Variants in FGD4 observed in about 807,000 individuals in gnomAD.
The protein encoded by FGD4 is FYVE, RhoGEF and PH domain-containing protein 4.
Under a neutral mutation model 102.0 loss-of-function variants are expected in FGD4, and 42 were observed. The ratio of observed to expected loss-of-function variants is 0.41; its 90% CI spans 0.32 to 0.53. The LOEUF (loss-of-function observed/expected upper bound fraction) is 0.53. FGD4 is among the 20% of genes least tolerant of loss of function. The pLI is 0.21. For missense variants in FGD4, 902 were observed against 1,078.2 expected (o/e 0.84, Z 2.29); for synonymous variants, 380 against 375.7 (o/e 1.01, Z -0.13).
rs995402312 is a variant in FGD4 at position 32,642,872 on chromosome 12, A to G, written c.*2339A>G. On this transcript the variant is annotated 3_prime_UTR_variant, in exon 17 of 17. Transcript: ENST00000534526. Reference sequence around the variant, plus strand: ...AGTAATACCCTTAGCCATTTATTAAACAATTCAACCAAGAGACCTCAAAGT... The same window carrying G: ...AGTAATACCCTTAGCCATTTATTAAGCAATTCAACCAAGAGACCTCAAAGT... 1 of 152,532 alleles carries G rather than the reference A, an allele frequency of 6.6e-6. No individual in the cohort carries two copies. Among genetic ancestry groups the G allele is most frequent in the Admixed American group, 6.5e-5 (1 of 15,268 alleles). 9.4% of individuals were successfully genotyped at this position (152,532 alleles called of 1,614,324 possible).
chr12:32,460,821 G>T (rs1943084506), intron 1 of FGD4, among the ~76,000 whole-genome samples: 1 of 152,180 alleles, frequency 6.6e-6, no homozygotes, highest in Non-Finnish European at 1.5e-5. Flanking sequence ...CAGCAAGACT[G>T]AGGCTCAGAA....
chr12:32,400,085 A>T, intron 1 of FGD4, 126 bp downstream of exon 1: 1 of 1,317,098 alleles, frequency 7.6e-7, no homozygotes, highest in Non-Finnish European at 9.9e-7. Flanking sequence ...CGGGAGGTTC[A>T]TTGTGGAAGG....
Position 32,633,689 on chromosome 12 carries a change from G to A in FGD4, c.2313G>A (p.Glu771=). Residue 771 remains glutamate, a splice_region_variant and synonymous_variant, in exon 15 of 17, where the codon GAG becomes GAA. Coordinates refer to ENST00000534526, the MANE Select transcript of FGD4 (RefSeq NM_001370298.3). ...SEEKKRKGIL[E]IESAEVSGNS... is the part of the protein sequence containing the mutation. The stretch of plus-strand genomic sequence containing the variant: ...AAAAGAAAAGAAAAGGAATTTTAGA[G>A]GTAAGAAATATTAAATATTGGATAT... 6.3e-7 allele frequency: 1 copy of A among 1,588,512 alleles called. No homozygotes were observed. The highest frequency in any genetic ancestry group is 8.6e-7 in the Non-Finnish European group (1 of 1,157,958).
At chr12:32,584,556 A>G (rs1946853717) in intron 4 of FGD4, among the ~76,000 whole-genome samples, 2 of 152,088 alleles carry the variant, frequency 1.3e-5, no homozygotes, top group African/African-American at 4.8e-5. Flanking sequence ...TCTAAACTGT[A>G]TATAATCTTA....
chr12:32,643,478 C>G lies in FGD4; in HGVS notation c.*2945C>G, dbSNP rs967351606. On this transcript the variant is annotated 3_prime_UTR_variant, in exon 17 of 17. Transcript: ENST00000534526. ...TAAATAACTATCAAGAACATTTTTA[C>G]TTTAACAAAGAAAATGGATAGAAAA... 1.3e-4 allele frequency: 20 copies of G among 152,044 alleles called. No homozygotes were observed. The highest frequency in any genetic ancestry group is 4.8e-4 in the African/African-American group (20 of 41,414). 9.4% of individuals were successfully genotyped at this position (152,044 alleles called of 1,614,324 possible).
intron 1 of FGD4, among the ~76,000 whole-genome samples, chr12:32,466,855 G>A (rs561398138): frequency 4.7e-5 from 6 of 127,982 alleles, no homozygotes; most frequent in Admixed American, 1.8e-4. Context: ...GCAACACAGC[G>A]AGAGTCTGTC....
intron 12 of FGD4, 114 bp downstream of exon 12, chr12:32,624,566 G>A: frequency 1.1e-6 from 1 of 879,224 alleles, no homozygotes; most frequent in Admixed American, 2.1e-5. Flanking sequence ...CTCTGTCTGG[G>A]CTCAAGCAAG....
intron 1 of FGD4, among the ~76,000 whole-genome samples, chr12:32,536,083 G>C (rs1449598700): frequency 6.9e-6 from 1 of 145,666 alleles, no homozygotes; most frequent in Non-Finnish European, 1.5e-5. Context: ...TTTTATAACA[G>C]TTTTTTTTTT....
intron 2 of FGD4, among the ~76,000 whole-genome samples, chr12:32,567,488 C>T (rs1294754970): frequency 6.6e-6 from 1 of 152,082 alleles, no homozygotes; most frequent in African/African-American, 2.4e-5. Context: ...TTGCTACTTG[C>T]AGCCAGTGAG....
intron 1 of FGD4, among the ~76,000 whole-genome samples, chr12:32,518,547 CATCT>C (rs996412484): frequency 2.0e-5 from 3 of 152,076 alleles, no homozygotes; most frequent in Non-Finnish European, 2.9e-5. Flanking sequence ...CATTTTTTTC[CATCT>C]ATGTGTCAGA....
chr12:32,508,047 T>C (rs560539755), intron 1 of FGD4, among the ~76,000 whole-genome samples: 2 of 152,286 alleles, frequency 1.3e-5, no homozygotes, highest in Non-Finnish European at 2.9e-5. Context: ...ACTCACACCG[T>C]GCTCAGCTAA....
At chr12:32,501,422 T>C (rs1938208481) in intron 1 of FGD4, among the ~76,000 whole-genome samples, 1 of 152,182 alleles carries the variant, frequency 6.6e-6, no homozygotes, top group African/African-American at 2.4e-5. Context: ...AGGACCAGGG[T>C]GTGGGCAACT....
At chr12:32,520,295 G>A (rs1391696437) in intron 1 of FGD4, among the ~76,000 whole-genome samples, 1 of 152,076 alleles carries the variant, frequency 6.6e-6, no homozygotes, top group East Asian at 1.9e-4. Flanking sequence ...GCTTTAAAGA[G>A]ATTTTAAATG....
intron 4 of FGD4, among the ~76,000 whole-genome samples, chr12:32,593,946 C>A (rs1000447380): frequency 6.6e-6 from 1 of 152,140 alleles, no homozygotes; most frequent in African/African-American, 2.4e-5. Context: ...TAAGAAGGCA[C>A]ATGCATTTAC....
intron 1 of FGD4, chr12:32,534,303 C>T (rs1038497468): frequency 7.5e-6 from 10 of 1,330,578 alleles, no homozygotes; most frequent in Admixed American, 6.7e-5. Flanking sequence ...GCAGTAAGTT[C>T]GAAGAATGCA....
At position 32,619,771 on chromosome 12, in the gene FGD4, T is replaced by C; in HGVS notation, c.1823T>C (p.Val608Ala). 6.2e-7 allele frequency: 1 copy of C among 1,614,130 alleles called. No individual in the cohort carries two copies. Among genetic ancestry groups the C allele is most frequent in the Non-Finnish European group, 8.5e-7 (1 of 1,180,018 alleles). The change falls in exon 11 of 17, where the codon GTT becomes GCT. Residue 608 changes from valine (V) to alanine (A), a missense_variant. Val to Ala is a moderately conservative substitution (Grantham distance 64, BLOSUM62 0). Coordinates refer to ENST00000534526, the MANE Select transcript of FGD4 (RefSeq NM_001370298.3). Reference sequence around the variant, plus strand: ...TCTAAATTCACAGTTCGAACCAGGGTTGGCATTGATGGAATGAAAATTGTA... The same window carrying C: ...TCTAAATTCACAGTTCGAACCAGGGCTGGCATTGATGGAATGAAAATTGTA... ...VGSKFTVRTR[V>A]GIDGMKIVET...
At chr12:32,611,883 T>C (rs1437528483) in intron 10 of FGD4, among the ~76,000 whole-genome samples, 1 of 152,182 alleles carries the variant, frequency 6.6e-6, no homozygotes, top group African/African-American at 2.4e-5. Context: ...ACTCAGGCAT[T>C]CCTGTGCTCT....
intron 1 of FGD4, among the ~76,000 whole-genome samples, chr12:32,509,399 G>A (rs1390106993): frequency 6.6e-6 from 1 of 151,736 alleles, no homozygotes; most frequent in Admixed American, 6.6e-5. Flanking sequence ...GTCCTCAGGT[G>A]GTTAGTCATT....
chr12:32,635,108 G>A (rs1005219174), intron 15 of FGD4, among the ~76,000 whole-genome samples: 1 of 152,172 alleles, frequency 6.6e-6, no homozygotes, highest in Non-Finnish European at 1.5e-5. Flanking sequence ...TTGATAAAGG[G>A]TTACAAACTT....
Sources: allele counts gnomAD v4.1 joint callset (sites outside exome capture counted in the v4.1 genomes callset), GRCh38; gene constraint gnomAD v4.1.1; transcripts MANE v1.5; gene names NCBI Gene and HGNC (gene_info 2026-07-23, HGNC 2026-07-21).